Variants in KIF4A observed in about 807,000 individuals in gnomAD.
KIF4A encodes the protein kinesin family member 4A, also known as chromosome-associated kinesin KIF4A.
In KIF4A, 7 loss-of-function variants were observed where a neutral mutation model predicts 105.9. That is an observed-to-expected ratio of 0.07 (90% CI 0.04 to 0.12). The LOEUF is 0.12. KIF4A is among the 10% of genes least tolerant of loss of function. KIF4A has a pLI of 1.00. For synonymous variants in KIF4A, 281 were observed against 331.3 expected (o/e 0.85, Z 1.65); for missense variants, 558 against 929.2 (o/e 0.60, Z 5.19).
chrX:70,372,093 G>A lies in KIF4A; in HGVS notation c.1675-2058G>A, dbSNP rs756993135. Among the ~76,000 whole-genome samples, 6 of 108,057 alleles carry A rather than the reference G, an allele frequency of 5.6e-5. No homozygotes were observed. In the East Asian group the frequency reaches 1.2e-3, roughly 22 times the overall value. 93.8% of individuals were successfully genotyped at this position (108,057 alleles called of 115,157 possible). On this transcript the variant is annotated intron_variant, in intron 15 of 30. Transcript: ENST00000374403. ...TCACTTCCTAGATGGGATGGCGGCC[G>A]GGAAGAGGCGCTCCTCACTTCCTAG...
Position 70,343,759 on chromosome X carries a change from G to A in KIF4A, c.1323G>A (p.Ala441=), listed in dbSNP as rs1171597986. Residue 441 remains alanine, a splice_region_variant and synonymous_variant, in exon 12 of 31, where the codon GCG becomes GCA. Coordinates refer to ENST00000374403, the MANE Select transcript of KIF4A (RefSeq NM_012310.5). Reference sequence around the variant, plus strand: ...AGCTAGAAGAGCTCAGGCAGCATGCGGCGTAAGTTGCCCACCAGATATTTG... The same window carrying A: ...AGCTAGAAGAGCTCAGGCAGCATGCAGCGTAAGTTGCCCACCAGATATTTG... The part of the protein sequence containing the change: ...NAKLEELRQH[A]ACKLDLQKLV... The A allele has an allele frequency of 1.2e-5, 15 of 1,208,768 alleles. No individual in the cohort carries two copies. In the Admixed American group the frequency reaches 1.5e-4, roughly 12 times the overall value.
At chrX:70,306,624 C>A (rs941762984) in intron 7 of KIF4A, among the ~76,000 whole-genome samples, 5 of 110,006 alleles carry the variant, frequency 4.5e-5, no homozygotes, top group African/African-American at 1.3e-4. Flanking sequence ...GCAACCTCTG[C>A]TTCCCAGGTT....
At chrX:70,402,512 C>A in intron 22 of KIF4A, 54 bp from the exon 23 acceptor site, 2 of 1,179,984 alleles carry the variant, frequency 1.7e-6, no homozygotes, top group South Asian at 1.9e-5. Context: ...AGCTCTTCCC[C>A]CTTCTTGATG....
chrX:70,395,957 A>C lies in KIF4A; in HGVS notation c.2397A>C (p.Thr799=). ...CTCACTATTATTTACAGAGGCGTAC[A>C]TTCTCCCTTACTGAAGTGCGTGGTC... is the stretch of plus-strand genomic sequence containing the variant. ...ENPPPKLRRR[T]FSLTEVRGQV... Residue 799 remains threonine, a synonymous_variant, in exon 22 of 31, where the codon ACA becomes ACC. Coordinates refer to ENST00000374403, the MANE Select transcript of KIF4A (RefSeq NM_012310.5). The C allele has an allele frequency of 3.3e-6, 4 of 1,207,718 alleles. No homozygotes were observed. The highest frequency in any genetic ancestry group is 4.5e-6 in the Non-Finnish European group (4 of 892,348).
chrX:70,420,378 A>T lies in KIF4A; in HGVS notation c.*113A>T. The T allele has an allele frequency of 1.0e-6, 1 of 998,316 alleles. No homozygotes were observed. Among genetic ancestry groups the T allele is most frequent in the Middle Eastern group, 4.0e-4 (1 of 2,518 alleles). 82.3% of individuals were successfully genotyped at this position (998,316 alleles called of 1,213,427 possible). A position where few individuals can be genotyped will look rare whatever the true frequency, so the allele number is the denominator to read the frequency against. On this transcript the variant is annotated 3_prime_UTR_variant, in exon 31 of 31. Transcript: ENST00000374403. ...GATTTCAGGTTTCTTGCTGTTGAAA[A>T]AAGGAACAAAGCGTTACTGAAAAGA...
chrX:70,342,704 C>T (rs759033888), intron 11 of KIF4A, among the ~76,000 whole-genome samples: 4 of 112,459 alleles, frequency 3.6e-5, no homozygotes, highest in South Asian at 3.7e-4. Context: ...CTAAATCCTA[C>T]GTCCATTGTA....
chrX:70,336,628 C>T (rs1430349575), intron 10 of KIF4A, among the ~76,000 whole-genome samples: 14 of 111,471 alleles, frequency 1.3e-4, no homozygotes. Flanking sequence ...AGCATTTTTT[C>T]ATATGTTTAA....
Position 70,324,836 on chromosome X carries a change from C to T in KIF4A, c.779-4569C>T, listed in dbSNP as rs780935973. ...TCACTCTGTCGCCTAGGCTGGAGTG[C>T]AGTGGTGTGATCACGGCTCACTGCA... On this transcript the variant is annotated intron_variant, in intron 7 of 30. Coordinates refer to ENST00000374403, the MANE Select transcript of KIF4A (RefSeq NM_012310.5). Among the ~76,000 whole-genome samples, 6 of 111,495 alleles carry T rather than the reference C, an allele frequency of 5.4e-5. No homozygotes were observed. In the East Asian group the frequency reaches 1.7e-3, roughly 31 times the overall value.
intron 7 of KIF4A, among the ~76,000 whole-genome samples, chrX:70,309,653 G>A (rs2085841005): frequency 8.9e-6 from 1 of 112,415 alleles, no homozygotes; most frequent in African/African-American, 3.2e-5. Flanking sequence ...TTTGATATAT[G>A]CATAAATTGT....
At chrX:70,337,764 A>G (rs180888809) in intron 10 of KIF4A, among the ~76,000 whole-genome samples, 2 of 112,163 alleles carry the variant, frequency 1.8e-5, no homozygotes, top group African/African-American at 3.2e-5. Flanking sequence ...CCTGCTTTCA[A>G]TTCATTTGGG....
At chrX:70,320,604 T>C (rs1230457338) in intron 7 of KIF4A, among the ~76,000 whole-genome samples, 2 of 111,914 alleles carry the variant, frequency 1.8e-5, no homozygotes, top group Admixed American at 1.9e-4. Flanking sequence ...TTCTCATTCA[T>C]ATGTGGGAGC....
intron 28 of KIF4A, among the ~76,000 whole-genome samples, chrX:70,410,597 G>A (rs1278335525): frequency 5.4e-5 from 6 of 111,900 alleles, no homozygotes; most frequent in Non-Finnish European, 1.1e-4. Flanking sequence ...TCCACGGACT[G>A]GTTGTGGGGG....
chrX:70,371,187 G>A (rs1026040179), intron 15 of KIF4A, among the ~76,000 whole-genome samples: 5 of 108,281 alleles, frequency 4.6e-5, no homozygotes, highest in Non-Finnish European at 9.6e-5. Context: ...AGAATAGGAT[G>A]GAATTTGGGT....
At chrX:70,380,935 G>A (rs2086194989) in intron 18 of KIF4A, among the ~76,000 whole-genome samples, 2 of 110,938 alleles carry the variant, frequency 1.8e-5, no homozygotes, top group African/African-American at 6.6e-5. Context: ...TATCACTTGA[G>A]GCCAGGAGTT....
At chrX:70,386,800 C>A (rs2086219495) in intron 19 of KIF4A, 99 bp downstream of exon 19, 3 of 596,642 alleles carry the variant, frequency 5.0e-6, no homozygotes, top group South Asian at 2.8e-5. Flanking sequence ...CCTGAGAAAC[C>A]AGGGATGCCA....
At chrX:70,405,687 C>G (rs1472556167) in intron 25 of KIF4A, 141 bp from the exon 26 acceptor site, 2 of 474,456 alleles carry the variant, frequency 4.2e-6, no homozygotes, top group East Asian at 7.4e-5. Context: ...AGACATTTTT[C>G]TGGGTGCCAG....
chrX:70,349,510 G>C (rs2086014988), intron 13 of KIF4A, among the ~76,000 whole-genome samples: 1 of 101,608 alleles, frequency 9.8e-6, no homozygotes, highest in African/African-American at 3.7e-5. Flanking sequence ...CGGCTGCCGG[G>C]CAGAGGCGCT....
chrX:70,342,910 T>C (rs1170078153), intron 11 of KIF4A, among the ~76,000 whole-genome samples: 1 of 112,606 alleles, frequency 8.9e-6, no homozygotes, highest in African/African-American at 3.2e-5. Context: ...GTTGTTACAG[T>C]GTCTGCCTGA....
Position 70,402,692 on chromosome X carries a change from A to G in KIF4A, c.2616A>G (p.Gly872=), listed in dbSNP as rs1369928854. 1 of 1,208,444 alleles carries G rather than the reference A, an allele frequency of 8.3e-7. No homozygotes were observed. The highest frequency in any genetic ancestry group is 2.2e-5 in the Admixed American group (1 of 45,703). The change falls in exon 23 of 31, where the codon GGA becomes GGG. Residue 872 remains glycine (G), a synonymous_variant. Transcript: ENST00000374403. Reference sequence around the variant, plus strand: ...AGTGTGCCCTGAAATATTTGATTGGAGAGGTAAACATCACTCTAACCAGCA... The same window carrying G: ...AGTGTGCCCTGAAATATTTGATTGGGGAGGTAAACATCACTCTAACCAGCA... ...EAKCALKYLI[G]ELVSSKIQVS...
Sources: gnomAD v4.1 joint callset for allele counts (sites outside exome capture counted in the v4.1 genomes callset) on GRCh38, gnomAD v4.1.1 for gene constraint, MANE v1.5 for transcripts, NCBI Gene and HGNC (gene_info 2026-07-23, HGNC 2026-07-21) for gene names.